The following HEG1 variants were observed in gnomAD, a reference collection of about 807,000 sequenced individuals.
HEG1 encodes protein HEG homolog 1.
In HEG1, 56 loss-of-function variants were observed where a neutral mutation model predicts 125.6. The ratio of observed to expected loss-of-function variants is 0.45; its 90% CI spans 0.36 to 0.56. HEG1 has a LOEUF of 0.56. HEG1 is among the 20% of genes least tolerant of loss of function. The probability of loss-of-function intolerance (pLI) is 0.00; values close to 1 mark genes in which losing one functional copy is unlikely to be tolerated. For missense variants in HEG1, 1,523 were observed against 1,670.0 expected (o/e 0.91, Z 1.53); for synonymous variants, 644 against 668.5 (o/e 0.96, Z 0.57).
chr3:124,981,171 C>T (rs528156163), intron 14 of HEG1, among the ~76,000 whole-genome samples: 3 of 151,388 alleles, frequency 2.0e-5, no homozygotes, highest in South Asian at 2.1e-4. Context: ...AAAATAAAGT[C>T]GCATGTGCTC....
At chr3:124,974,137 G>C (rs1057473366) in intron 15 of HEG1, among the ~76,000 whole-genome samples, 2 of 152,064 alleles carry the variant, frequency 1.3e-5, no homozygotes, top group Non-Finnish European at 2.9e-5. Context: ...AAAGGGGCCA[G>C]ATTATCAGGG....
Position 125,013,999 on chromosome 3 carries a change from G to C in HEG1, c.1589-9C>G, listed in dbSNP as rs761880598. On this transcript the variant is annotated splice_polypyrimidine_tract_variant and intron_variant, in intron 5 of 16. Coordinates refer to ENST00000311127, the MANE Select transcript of HEG1 (RefSeq NM_020733.2). ...GTAGCTAATCCCAGCGACTGTAAAC[G>C]GAAAAGCCAAAGTTAGGTCAAATAA... 3.8e-6 allele frequency: 6 copies of C among 1,576,566 alleles called. No individual in the cohort carries two copies. Among genetic ancestry groups the C allele is most frequent in the Non-Finnish European group, 5.1e-6 (6 of 1,165,692 alleles).
chr3:125,040,326 C>A (rs181982509), intron 1 of HEG1, among the ~76,000 whole-genome samples: 1 of 152,054 alleles, frequency 6.6e-6, no homozygotes, highest in Admixed American at 6.6e-5. Context: ...GTGACAGAGA[C>A]GCAGATGACA....
intron 1 of HEG1, among the ~76,000 whole-genome samples, chr3:125,043,524 GGGGGTCTACCTTGTTTCTA>G (rs1272958855): frequency 1.3e-5 from 2 of 152,140 alleles, no homozygotes; most frequent in African/African-American, 4.8e-5. Flanking sequence ...AGGGAGGAAA[GGGGGTCTACCTTGTTTCTA>G]GGGGCACCTT....
At position 124,998,951 on chromosome 3, in the gene HEG1, C is replaced by T. The variant is rs190822070; in HGVS notation, c.3518-1128G>A. On this transcript the variant is annotated intron_variant, in intron 11 of 16. Coordinates refer to ENST00000311127, the MANE Select transcript of HEG1 (RefSeq NM_020733.2). ...TCTATTGTGCAGGGAGGAATGGCTGCCAATTTTCCAGGCATGGTCTCCCAT... is the reference window on the plus strand; with the variant it reads ...TCTATTGTGCAGGGAGGAATGGCTGTCAATTTTCCAGGCATGGTCTCCCAT... 6.6e-3 allele frequency among the ~76,000 whole-genome samples: 1,010 copies of T among 152,304 alleles called. 9 individuals are homozygous for T. Among genetic ancestry groups the T allele is most frequent in the African/African-American group, 0.024 (984 of 41,558 alleles).
rs1257109270 is a variant in HEG1 at position 125,023,093 on chromosome 3, T to C, written c.914-1963A>G. Among the ~76,000 whole-genome samples, 6 of 151,590 alleles carry C rather than the reference T, an allele frequency of 4.0e-5. No homozygotes were observed. The East Asian group carries it at 5.8e-4, about 15-fold the overall frequency. ...CCTGTAATCTCAGCTACTCGGGAGGTTGAGGCAGGAGAATTGCTTGAACCT... is the reference window on the plus strand; with the variant it reads ...CCTGTAATCTCAGCTACTCGGGAGGCTGAGGCAGGAGAATTGCTTGAACCT... On this transcript the variant is annotated intron_variant, in intron 3 of 16. Coordinates refer to ENST00000311127, the MANE Select transcript of HEG1 (RefSeq NM_020733.2).
rs761880598 is a variant in HEG1 at position 125,013,999 on chromosome 3, G to A, written c.1589-9C>T. 9 of 1,576,558 alleles carry A rather than the reference G, an allele frequency of 5.7e-6. No individual in the cohort carries two copies. The highest frequency in any genetic ancestry group is 1.4e-5 in the African/African-American group (1 of 73,352). ...GTAGCTAATCCCAGCGACTGTAAAC[G>A]GAAAAGCCAAAGTTAGGTCAAATAA... On this transcript the variant is annotated splice_polypyrimidine_tract_variant and intron_variant, in intron 5 of 16. Coordinates refer to ENST00000311127, the MANE Select transcript of HEG1 (RefSeq NM_020733.2).
chr3:125,018,044 A>T (rs992190606), intron 5 of HEG1, among the ~76,000 whole-genome samples: 6 of 152,058 alleles, frequency 3.9e-5, no homozygotes, highest in African/African-American at 1.2e-4. Context: ...AAAAAAAATA[A>T]ATTGAAAATT....
rs1290725937 is a variant in HEG1 at position 125,019,457 on chromosome 3, T to C, written c.1393A>G (p.Thr465Ala). The C allele has an allele frequency of 1.2e-6, 2 of 1,614,042 alleles. No homozygotes were observed. The highest frequency in any genetic ancestry group is 1.1e-5 in the South Asian group (1 of 91,074). ...GAGCTTCCTGTCACATCTGCAGATGTTGTGCTGTTGGTCAAGAGCCAGTGT... is the reference window on the plus strand; with the variant it reads ...GAGCTTCCTGTCACATCTGCAGATGCTGTGCTGTTGGTCAAGAGCCAGTGT... Reference protein sequence around the residue: ...TAHWLLTNSTTSADVTGSSAS... With the variant: ...TAHWLLTNSTASADVTGSSAS... The change falls in exon 5 of 17, where the codon ACA (threonine) becomes GCA (alanine). Residue 465 changes from threonine (T) to alanine (A), a missense_variant. Thr to Ala is a moderately conservative substitution (Grantham distance 58). Coordinates refer to ENST00000311127, the MANE Select transcript of HEG1 (RefSeq NM_020733.2).
At chr3:125,025,043 C>T (rs2948783) in intron 3 of HEG1, among the ~76,000 whole-genome samples, 2 of 152,230 alleles carry the variant, frequency 1.3e-5, no homozygotes, top group East Asian at 1.9e-4. Flanking sequence ...CAGGCTGAGC[C>T]GACTCCAGGT....
At position 124,987,592 on chromosome 3, in the gene HEG1, G is replaced by A. The variant is rs1304927363; in HGVS notation, c.3733+3195C>T. ...GGCCAGAGTGCAATGGCGCTATCCC[G>A]GCTCACTGCAAGCTCCGCCCCCCCA... On this transcript the variant is annotated intron_variant, in intron 14 of 16. Transcript: ENST00000311127. 4.9e-5 allele frequency among the ~76,000 whole-genome samples: 7 copies of A among 143,610 alleles called. No individual in the cohort carries two copies. The East Asian group carries it at 1.4e-3, about 29-fold the overall frequency. 94.2% of individuals were successfully genotyped at this position (143,610 alleles called of 152,430 possible).
chr3:125,052,022 A>G (rs1937817512), intron 1 of HEG1, among the ~76,000 whole-genome samples: 1 of 152,140 alleles, frequency 6.6e-6, no homozygotes, highest in Non-Finnish European at 1.5e-5. Flanking sequence ...GGCAAAACAT[A>G]ACAGTTCAGC....
chr3:124,982,727 C>CT (rs879321671), intron 14 of HEG1, among the ~76,000 whole-genome samples: 1 of 152,204 alleles, frequency 6.6e-6, no homozygotes, highest in Non-Finnish European at 1.5e-5. Context: ...AGCCACCCCC[C>CT]TTCTGAAAAC....
At chr3:124,987,956 T>C (rs866057840) in intron 14 of HEG1, among the ~76,000 whole-genome samples, 4,276 of 41,128 alleles carry the variant, frequency 0.1, 291 homozygotes, top group African/African-American at 0.22. Context: ...CACACACATA[T>C]ATATATATAT....
intron 3 of HEG1, among the ~76,000 whole-genome samples, chr3:125,026,857 G>T (rs1231956311): frequency 1.3e-5 from 2 of 152,054 alleles, no homozygotes; most frequent in Non-Finnish European, 2.9e-5. Context: ...AAAATTAGCC[G>T]GGCATGGTGA....
At chr3:125,020,259 C>G (rs1400602760) in intron 4 of HEG1, among the ~76,000 whole-genome samples, 3 of 152,124 alleles carry the variant, frequency 2.0e-5, no homozygotes, top group Admixed American at 6.5e-5. Context: ...GACCCCATCT[C>G]TACAAAAAAT....
Position 124,973,849 on chromosome 3 carries a change from G to T in HEG1, c.3878C>A (p.Ser1293Tyr). The T allele has an allele frequency of 6.2e-7, 1 of 1,612,876 alleles. No individual in the cohort carries two copies. Among genetic ancestry groups the T allele is most frequent in the Non-Finnish European group, 8.5e-7 (1 of 1,179,120 alleles). ...ATTTTTGGGGTATTCAGCATACGGG[G>T]ACATTTGGAAATCTCCACTTTTGAA... The part of the protein sequence containing the change: ...LIFKSGDFQM[S>Y]PYAEYPKNPR... Residue 1293 changes from serine (S) to tyrosine (Y), a missense_variant, in exon 16 of 17, where the codon TCC becomes TAC. Transcript: ENST00000311127.
chr3:124,990,427 C>T (rs191703315), intron 14 of HEG1, among the ~76,000 whole-genome samples: 1 of 151,924 alleles, frequency 6.6e-6, no homozygotes, highest in Non-Finnish European at 1.5e-5. Flanking sequence ...CAACCTCCGC[C>T]TCCCAGGTTC....
At chr3:125,023,586 C>T (rs111492506) in intron 3 of HEG1, among the ~76,000 whole-genome samples, 443 of 152,208 alleles carry the variant, frequency 2.9e-3, no homozygotes, top group Admixed American at 5.0e-3. Context: ...GGTGACTCTT[C>T]GTAAAAAGAG....
Sources: gnomAD v4.1 joint callset for allele counts (sites outside exome capture counted in the v4.1 genomes callset) on GRCh38, gnomAD v4.1.1 for gene constraint, MANE v1.5 for transcripts, NCBI Gene and HGNC (gene_info 2026-07-23, HGNC 2026-07-21) for gene names.